PLEKHA5: variants seen among roughly 807,000 people sequenced by gnomAD.
PLEKHA5 encodes the protein pleckstrin homology domain containing A5, also known as pleckstrin homology domain-containing family A member 5.
PLEKHA5 carries 55 observed loss-of-function variants against 181.9 expected under a neutral mutation model. The ratio of observed to expected loss-of-function variants is 0.30; its 90% CI spans 0.24 to 0.38. The LOEUF (loss-of-function observed/expected upper bound fraction) is 0.38. Ranked by LOEUF, PLEKHA5 falls within the 10% of genes least tolerant of loss-of-function variation. The pLI, the probability that PLEKHA5 is intolerant of heterozygous loss-of-function variation, is 1.00. For synonymous variants in PLEKHA5, 535 were observed against 529.4 expected, an observed-to-expected ratio of 1.01 and a Z score of -0.15; for missense variants, 1,432 against 1,549.5, an observed-to-expected ratio of 0.92 and a Z score of 1.27.
intron 21 of PLEKHA5, among the ~76,000 whole-genome samples, chr12:19,340,945 T>TAAAAAA (rs58915493): frequency 6.4e-5 from 4 of 62,712 alleles, no homozygotes; most frequent in South Asian, 4.3e-4. Flanking sequence ...GAATGATCAA[T>TAAAAAA]AAAAAAAAAA....
intron 3 of PLEKHA5, among the ~76,000 whole-genome samples, 156 bp from the exon 4 acceptor site, chr12:19,253,784 C>T (rs2066073578): frequency 6.6e-6 from 1 of 152,054 alleles, no homozygotes; most frequent in Admixed American, 6.5e-5. Flanking sequence ...TGCGCCATTG[C>T]ACTCCAACCT....
At chr12:19,162,672 G>T (rs1316165061) in intron 3 of PLEKHA5, among the ~76,000 whole-genome samples, 4 of 151,828 alleles carry the variant, frequency 2.6e-5, no homozygotes, top group Non-Finnish European at 5.9e-5. Context: ...ATTGAACAAA[G>T]ATAACCTAAT....
intron 8 of PLEKHA5, 95 bp from the exon 9 acceptor site, chr12:19,269,675 G>T: frequency 1.6e-5 from 9 of 575,572 alleles, no homozygotes; most frequent in Admixed American, 3.3e-5. Context: ...AAATTTGATA[G>T]CAACGTTCTA....
intron 28 of PLEKHA5, among the ~76,000 whole-genome samples, chr12:19,359,855 AC>A (rs2095136744): frequency 6.6e-6 from 1 of 151,654 alleles, no homozygotes; most frequent in African/African-American, 2.4e-5. Context: ...AGTCCCAGCT[AC>A]TGGGGAGGCT....
intron 15 of PLEKHA5, among the ~76,000 whole-genome samples, chr12:19,307,912 C>T (rs2084680570): frequency 6.6e-6 from 1 of 151,486 alleles, no homozygotes; most frequent in Admixed American, 6.6e-5. Context: ...CTCTCACCAT[C>T]CCCTGGGAAA....
chr12:19,354,832 A>G (rs1256071988), intron 26 of PLEKHA5, among the ~76,000 whole-genome samples: 1 of 152,122 alleles, frequency 6.6e-6, no homozygotes, highest in Non-Finnish European at 1.5e-5. Context: ...CCTAGTCAAC[A>G]CCTAATTTAA....
chr12:19,366,199 C>T (rs1344717), intron 30 of PLEKHA5, 90 bp downstream of exon 30: 119,356 of 1,076,452 alleles, frequency 0.11, 7,364 homozygotes, highest in African/African-American at 0.2. Context: ...AGAAGGGAAT[C>T]GCTTAAGTAC....
At chr12:19,290,867 T>C (rs879226515) in intron 14 of PLEKHA5, 71 bp downstream of exon 14, 2 of 1,376,340 alleles carry the variant, frequency 1.5e-6, no homozygotes, top group Non-Finnish European at 9.8e-7. Flanking sequence ...TCAGTCAATA[T>C]GATCAGCATC....
chr12:19,145,179 A>AGTGT (rs1342105225), intron 3 of PLEKHA5, among the ~76,000 whole-genome samples: 1 of 151,496 alleles, frequency 6.6e-6, no homozygotes, highest in Non-Finnish European at 1.5e-5. Context: ...GTGTGAGGGG[A>AGTGT]GTGTGTGTGT....
rs540435591 is a variant in PLEKHA5 at position 19,347,662 on chromosome 12, A to G, written c.2898+480A>G. Among the ~76,000 whole-genome samples the G allele has an allele frequency of 2.0e-3, 298 of 152,264 alleles. 1 individual carries two copies. Among genetic ancestry groups the G allele is most frequent in the Non-Finnish European group, 3.7e-3 (253 of 68,020 alleles). Reference sequence around the variant, plus strand: ...AAAATGGGAAATACGTTTAGGGTTAAGCAAATAATGTAGGATATAATAAGC... The same window carrying G: ...AAAATGGGAAATACGTTTAGGGTTAGGCAAATAATGTAGGATATAATAAGC... On this transcript the variant is annotated intron_variant, in intron 24 of 31. Coordinates refer to ENST00000429027, the MANE Select transcript of PLEKHA5 (RefSeq NM_001256470.2).
intron 3 of PLEKHA5, among the ~76,000 whole-genome samples, chr12:19,221,463 G>A (rs2058918274): frequency 6.6e-6 from 1 of 152,182 alleles, no homozygotes; most frequent in Admixed American, 6.5e-5. Flanking sequence ...GGAAAGACCA[G>A]GGGTTTAGGG....
intron 21 of PLEKHA5, among the ~76,000 whole-genome samples, 196 bp downstream of exon 21, chr12:19,336,812 G>A (rs2093461812): frequency 6.6e-6 from 1 of 151,840 alleles, no homozygotes; most frequent in East Asian, 1.9e-4. Flanking sequence ...AGAGTTCTTT[G>A]TTCTGTTGGG....
At chr12:19,205,163 T>G (rs1197241531) in intron 3 of PLEKHA5, 1 of 152,426 alleles carries the variant, frequency 6.6e-6, no homozygotes, top group Non-Finnish European at 1.5e-5. Flanking sequence ...CAGTTAATGA[T>G]CTTTATTAAA....
intron 15 of PLEKHA5, among the ~76,000 whole-genome samples, chr12:19,292,812 A>G (rs1285573391): frequency 1.3e-5 from 2 of 151,746 alleles, no homozygotes; most frequent in East Asian, 1.9e-4. Context: ...GGTGGTGTGC[A>G]CCTGTAATCC....
chr12:19,307,627 C>T, intron 15 of PLEKHA5: 1 of 325,768 alleles, frequency 3.1e-6, no homozygotes. Flanking sequence ...AGGAGCAGAT[C>T]AAGAGAGTGA....
chr12:19,143,976 A>T (rs1033501236), intron 3 of PLEKHA5, among the ~76,000 whole-genome samples: 33 of 152,206 alleles, frequency 2.2e-4, no homozygotes, highest in African/African-American at 6.5e-4. Context: ...GAGAAAATAC[A>T]TGAGCTTTTT....
chr12:19,307,205 G>T, intron 15 of PLEKHA5: 1 of 603,924 alleles, frequency 1.7e-6, no homozygotes, highest in East Asian at 3.2e-5. Flanking sequence ...CCACATGGTG[G>T]CTCAGGCCAG....
intron 3 of PLEKHA5, among the ~76,000 whole-genome samples, chr12:19,182,655 T>C (rs1250343247): frequency 6.6e-6 from 1 of 152,218 alleles, no homozygotes; most frequent in Non-Finnish European, 1.5e-5. Context: ...CTTGCATTAT[T>C]GCCGTCAGAA....
chr12:19,222,826 C>T (rs1158918012), intron 3 of PLEKHA5, among the ~76,000 whole-genome samples: 1 of 151,980 alleles, frequency 6.6e-6, no homozygotes, highest in East Asian at 1.9e-4. Flanking sequence ...CTTACCCTGC[C>T]AAAGACATTC....
Sources: allele counts gnomAD v4.1 joint callset (sites outside exome capture counted in the v4.1 genomes callset), GRCh38; gene constraint gnomAD v4.1.1; transcripts MANE v1.5; gene names NCBI Gene and HGNC (gene_info 2026-07-23, HGNC 2026-07-21).